The following CNTN5 variants were observed in gnomAD, a reference collection of about 807,000 sequenced individuals.
CNTN5 encodes the protein contactin-5.
In CNTN5, 77 loss-of-function variants were observed where a neutral mutation model predicts 129.1. That is an observed-to-expected ratio of 0.60 (90% CI 0.50 to 0.72). The LOEUF is 0.72. Ranked by LOEUF, CNTN5 falls within the 30% of genes least tolerant of loss-of-function variation. CNTN5 has a pLI of 0.00. For synonymous variants in CNTN5, 509 were observed against 465.6 expected, an observed-to-expected ratio of 1.09 and a Z score of -1.20; for missense variants, 1,478 against 1,328.8, an observed-to-expected ratio of 1.11 and a Z score of -1.75.
intron 3 of CNTN5, among the ~76,000 whole-genome samples, chr11:99,619,205 T>C (rs1356606892): frequency 6.6e-6 from 1 of 152,058 alleles, no homozygotes; most frequent in Non-Finnish European, 1.5e-5. Context: ...CAAAAAACTA[T>C]ATTAGATTTT....
chr11:99,949,435 G>A (rs1020477594), intron 7 of CNTN5, among the ~76,000 whole-genome samples: 11 of 152,160 alleles, frequency 7.2e-5, no homozygotes, highest in African/African-American at 2.6e-4. Flanking sequence ...AGATTCTGGG[G>A]CACAAATAGA....
chr11:99,550,629 T>A (rs989051879), intron 2 of CNTN5, among the ~76,000 whole-genome samples: 2 of 152,156 alleles, frequency 1.3e-5, no homozygotes, highest in Non-Finnish European at 2.9e-5. Flanking sequence ...GGCCCTCACA[T>A]TGAGGCCTTA....
At chr11:99,399,530 AAAGAT>A (rs1195993122) in intron 2 of CNTN5, among the ~76,000 whole-genome samples, 1 of 151,820 alleles carries the variant, frequency 6.6e-6, no homozygotes, top group African/African-American at 2.4e-5. Context: ...CACATTATCT[AAAGAT>A]AAGAGCCGAT....
At chr11:99,832,168 A>C (rs774340646) in intron 4 of CNTN5, among the ~76,000 whole-genome samples, 1 of 152,180 alleles carries the variant, frequency 6.6e-6, no homozygotes, top group Admixed American at 6.6e-5. Flanking sequence ...TTTGTCTAAC[A>C]TCATTTCCAT....
Position 99,539,268 on chromosome 11 carries a change from T to C in CNTN5, c.-70-16877T>C, listed in dbSNP as rs560745468. Among the ~76,000 whole-genome samples the C allele has an allele frequency of 3.3e-5, 5 of 152,246 alleles. No individual in the cohort carries two copies. The East Asian group carries it at 9.6e-4, about 29-fold the overall frequency. ...TGTTATTTTGAGATTGTTTATGACA[T>C]GATTTTTACTATTAAAAATCATTTG... On this transcript the variant is annotated intron_variant, in intron 2 of 24. Coordinates refer to ENST00000524871, the MANE Select transcript of CNTN5 (RefSeq NM_014361.4).
chr11:100,099,290 A>T (rs1356659844), intron 13 of CNTN5, among the ~76,000 whole-genome samples: 3 of 145,028 alleles, frequency 2.1e-5, no homozygotes, highest in African/African-American at 7.4e-5. Flanking sequence ...AGCACTGAAC[A>T]TCCCACATTT....
intron 1 of CNTN5, among the ~76,000 whole-genome samples, chr11:99,080,623 A>G (rs568008784): frequency 6.6e-5 from 10 of 152,186 alleles, no homozygotes; most frequent in Non-Finnish European, 1.5e-4. Context: ...AGTGGCCAGA[A>G]CAAAGTCACA....
chr11:100,309,200 T>C (rs1177508125), intron 21 of CNTN5: 106 of 984,896 alleles, frequency 1.1e-4, no homozygotes, highest in Non-Finnish European at 1.3e-4. Context: ...CCCAAGACTT[T>C]AGTTGCATTT....
chr11:99,852,216 T>C (rs1947895346), intron 6 of CNTN5, among the ~76,000 whole-genome samples: 1 of 152,226 alleles, frequency 6.6e-6, no homozygotes, highest in Non-Finnish European at 1.5e-5. Context: ...TCTTTAAAAG[T>C]ATAATTACTT....
At chr11:99,632,709 A>G (rs975901133) in intron 3 of CNTN5, among the ~76,000 whole-genome samples, 3 of 152,174 alleles carry the variant, frequency 2.0e-5, no homozygotes, top group African/African-American at 7.2e-5. Context: ...TCTAAATGGT[A>G]TAGATCCAGT....
At chr11:99,793,096 G>T (rs1441697612) in intron 3 of CNTN5, among the ~76,000 whole-genome samples, 30 of 148,556 alleles carry the variant, frequency 2.0e-4, no homozygotes, top group African/African-American at 7.2e-4. Flanking sequence ...GTCTCACTCT[G>T]TCGCCCAGGC....
Position 99,178,314 on chromosome 11 carries a change from CCACACACACACACA to C in CNTN5, c.-209-146991_-209-146978del, listed in dbSNP as rs71046672. Among the ~76,000 whole-genome samples the C allele has an allele frequency of 2.3e-3, 288 of 125,576 alleles. 2 individuals are homozygous for C. Among genetic ancestry groups the C allele is most frequent in the African/African-American group, 6.1e-3 (203 of 33,440 alleles). The allele number at this position is 125,576 out of a possible 152,430, so 82.4% of individuals were successfully genotyped here. A position where few individuals can be genotyped will look rare whatever the true frequency, so the allele number is the denominator to read the frequency against. On this transcript the variant is annotated intron_variant, in intron 1 of 24. Transcript: ENST00000524871. ...TCAGTAACAGAGTGAGACCTCATCT[CCACACACACACACA>C]CACACACACACACACACACACACAC...
intron 9 of CNTN5, among the ~76,000 whole-genome samples, chr11:100,026,103 T>C (rs1941407209): frequency 6.6e-6 from 1 of 152,146 alleles, no homozygotes; most frequent in Admixed American, 6.5e-5. Flanking sequence ...TCCCCATGTG[T>C]CAAGGGAGAG....
At chr11:99,655,296 G>C (rs764147146) in intron 3 of CNTN5, among the ~76,000 whole-genome samples, 1 of 152,082 alleles carries the variant, frequency 6.6e-6, no homozygotes, top group Non-Finnish European at 1.5e-5. Flanking sequence ...ACAGTATCTA[G>C]TGCTACAAGA....
chr11:99,735,179 G>A (rs73552041), intron 3 of CNTN5, among the ~76,000 whole-genome samples: 3 of 151,784 alleles, frequency 2.0e-5, no homozygotes, highest in Non-Finnish European at 4.4e-5. Flanking sequence ...TTTTAGAAGA[G>A]ATTACGTTCT....
intron 13 of CNTN5, among the ~76,000 whole-genome samples, chr11:100,148,579 A>G (rs1026464244): frequency 6.6e-6 from 1 of 152,184 alleles, no homozygotes; most frequent in African/African-American, 2.4e-5. Context: ...TATTTGTGTG[A>G]GTCGTTTTTG....
At position 100,350,876 on chromosome 11, in the gene CNTN5, T is replaced by A; in HGVS notation, c.3199+6T>A. On this transcript the variant is annotated splice_donor_region_variant and intron_variant, in intron 24 of 24. Transcript: ENST00000524871. ...TAGGGTACCATCATATTCAGGTAAG[T>A]TTTGACACAGTAGATTTAATTTGCT... The A allele has an allele frequency of 6.5e-7, 1 of 1,538,630 alleles. No homozygotes were observed. The highest frequency in any genetic ancestry group is 8.8e-7 in the Non-Finnish European group (1 of 1,135,346).
At chr11:99,119,097 G>T (rs1253853706) in intron 1 of CNTN5, among the ~76,000 whole-genome samples, 1 of 151,876 alleles carries the variant, frequency 6.6e-6, no homozygotes, top group Admixed American at 6.6e-5. Flanking sequence ...TTTTCTAATT[G>T]TACTGTAAAT....
At chr11:99,302,480 A>G (rs1249498299) in intron 1 of CNTN5, among the ~76,000 whole-genome samples, 2 of 151,852 alleles carry the variant, frequency 1.3e-5, no homozygotes, top group African/African-American at 4.8e-5. Flanking sequence ...AGAAATGGAA[A>G]GTGACTACTA....
Sources: gnomAD v4.1 joint callset for allele counts (sites outside exome capture counted in the v4.1 genomes callset) on GRCh38, gnomAD v4.1.1 for gene constraint, MANE v1.5 for transcripts, NCBI Gene and HGNC (gene_info 2026-07-23, HGNC 2026-07-21) for gene names.